CEP128: variants seen among roughly 807,000 people sequenced by gnomAD.
The protein encoded by CEP128 is centrosomal protein 128, also known as centrosomal protein 128kDa.
A neutral mutation model predicts 156.7 loss-of-function variants in CEP128; 132 were observed. The observed-to-expected ratio is 0.84, with a 90% CI of 0.73 to 0.97. The LOEUF is 0.97. Ranked by LOEUF, CEP128 falls within the 50% of genes least tolerant of loss-of-function variation. CEP128 has a pLI of 0.00. For synonymous variants in CEP128, 469 were observed against 448.9 expected, an observed-to-expected ratio of 1.04 and a Z score of -0.57; for missense variants, 1,252 against 1,281.9, an observed-to-expected ratio of 0.98 and a Z score of 0.36.
At chr14:80,764,237 G>A (rs1399548465) in intron 16 of CEP128, among the ~76,000 whole-genome samples, 5 of 152,120 alleles carry the variant, frequency 3.3e-5, no homozygotes, top group East Asian at 3.9e-4. Context: ...GGTGGCTCAC[G>A]CCTGTAATCC....
chr14:80,556,716 A>G (rs1325407885), intron 21 of CEP128, among the ~76,000 whole-genome samples: 1 of 152,224 alleles, frequency 6.6e-6, no homozygotes, highest in East Asian at 1.9e-4. Flanking sequence ...TTGCATATTG[A>G]TAGCACCATG....
At chr14:80,569,557 T>A (rs921436548) in intron 20 of CEP128, among the ~76,000 whole-genome samples, 4 of 152,230 alleles carry the variant, frequency 2.6e-5, no homozygotes, top group African/African-American at 7.2e-5. Context: ...GTCTGATTAC[T>A]CAAAATTATA....
At chr14:80,836,486 A>C in intron 11 of CEP128, 149 bp from the exon 12 acceptor site, 2 of 764,042 alleles carry the variant, frequency 2.6e-6, no homozygotes, top group South Asian at 1.8e-5. Context: ...CATTCCTCTC[A>C]TCTCTTCCAC....
chr14:80,912,011 G>A (rs891381940), intron 4 of CEP128, among the ~76,000 whole-genome samples: 4 of 152,194 alleles, frequency 2.6e-5, no homozygotes, highest in Admixed American at 2.0e-4. Context: ...AAGGTCAGGA[G>A]ATCGAGACCA....
At chr14:80,526,591 T>G in intron 23 of CEP128, 1 of 231,066 alleles carries the variant, frequency 4.3e-6, no homozygotes, top group Non-Finnish European at 8.4e-6. Flanking sequence ...TGACCAGGGG[T>G]TTCTTGGCTC....
chr14:80,771,108 A>T (rs976226021), intron 16 of CEP128, among the ~76,000 whole-genome samples: 3 of 152,214 alleles, frequency 2.0e-5, no homozygotes, highest in African/African-American at 7.2e-5. Context: ...TTCCTCTCAC[A>T]GATACGTTTT....
intron 19 of CEP128, among the ~76,000 whole-genome samples, chr14:80,643,312 G>A (rs1894498345): frequency 6.6e-6 from 1 of 152,202 alleles, no homozygotes; most frequent in South Asian, 2.1e-4. Flanking sequence ...TGTGGGAGAT[G>A]GTGGCCATGC....
intron 16 of CEP128, among the ~76,000 whole-genome samples, chr14:80,771,772 C>T (rs1900522134): frequency 6.6e-6 from 1 of 152,118 alleles, no homozygotes; most frequent in Admixed American, 6.5e-5. Context: ...GCTATTGAAA[C>T]AAGTAAGTAT....
At chr14:80,732,778 T>C (rs1175720231) in intron 19 of CEP128, among the ~76,000 whole-genome samples, 1 of 151,758 alleles carries the variant, frequency 6.6e-6, no homozygotes, top group Non-Finnish European at 1.5e-5. Context: ...CCTGGAAAAA[T>C]AATCTGTGTT....
At chr14:80,832,827 T>A (rs1326041999) in intron 12 of CEP128, among the ~76,000 whole-genome samples, 1 of 151,856 alleles carries the variant, frequency 6.6e-6, no homozygotes, top group Non-Finnish European at 1.5e-5. Context: ...GAGGAGGGAG[T>A]GTCAACAGAG....
intron 8 of CEP128, among the ~76,000 whole-genome samples, chr14:80,883,368 C>G (rs1888643999): frequency 6.6e-6 from 1 of 151,852 alleles, no homozygotes; most frequent in Non-Finnish European, 1.5e-5. Flanking sequence ...CATCAAAAAA[C>G]TGCTAGAACT....
In CEP128 at chr14:80,559,286, A is replaced by G; in HGVS notation, c.2873T>C (p.Leu958Ser). 6.2e-7 allele frequency: 1 copy of G among 1,605,334 alleles called. No homozygotes were observed. The highest frequency in any genetic ancestry group is 1.1e-5 in the South Asian group (1 of 89,374). Residue 958 changes from leucine to serine, a missense_variant, in exon 21 of 25, where the codon TTA becomes TCA. By Grantham distance (145) the Leu-to-Ser change is moderately radical. Transcript: ENST00000555265. Reference protein sequence around the residue: ...MGSLQDRVIALETSTQVALDH... With the variant: ...MGSLQDRVIASETSTQVALDH... ...GAAAATGCCCCAACTTACCGTTTCT[A>G]ATGCAATTACACGGTCCTGCAAAGA...
intron 8 of CEP128, among the ~76,000 whole-genome samples, chr14:80,878,066 TCTC>T (rs1448733111): frequency 6.6e-6 from 1 of 151,968 alleles, no homozygotes; most frequent in African/African-American, 2.4e-5. Context: ...ACCAGAGAAG[TCTC>T]CTTCAACACC....
At chr14:80,574,827 T>A (rs1313157470) in intron 20 of CEP128, among the ~76,000 whole-genome samples, 1 of 152,054 alleles carries the variant, frequency 6.6e-6, no homozygotes, top group Non-Finnish European at 1.5e-5. Flanking sequence ...ACTATTGAGG[T>A]GACAAAAACA....
chr14:80,740,831 A>G (rs901952910), intron 19 of CEP128, among the ~76,000 whole-genome samples: 6 of 152,170 alleles, frequency 3.9e-5, no homozygotes, highest in African/African-American at 1.2e-4. Flanking sequence ...CAAGGGACAG[A>G]TTCAGGAAGC....
chr14:80,641,445 G>GTA (rs1257024127), intron 19 of CEP128, among the ~76,000 whole-genome samples: 2 of 152,122 alleles, frequency 1.3e-5, no homozygotes, highest in African/African-American at 4.8e-5. Flanking sequence ...AGTTTCCCTG[G>GTA]TACCATATGC....
intron 18 of CEP128, 129 bp downstream of exon 18, chr14:80,756,763 A>C: frequency 1.5e-6 from 1 of 649,114 alleles, no homozygotes. Flanking sequence ...CTGCAGTGAT[A>C]TCTTCCCCTG....
chr14:80,838,071 C>A (rs1356601861), intron 11 of CEP128, 133 bp downstream of exon 11: 5 of 616,388 alleles, frequency 8.1e-6, no homozygotes, highest in Admixed American at 2.9e-5. Context: ...CTTAGGTGTG[C>A]TAATATACAT....
chr14:80,643,335 G>C (rs1894499513), intron 19 of CEP128, among the ~76,000 whole-genome samples: 1 of 152,144 alleles, frequency 6.6e-6, no homozygotes, highest in Non-Finnish European at 1.5e-5. Flanking sequence ...ATCAATAATG[G>C]AGGCCAGCGG....
Sources: allele counts gnomAD v4.1 joint callset (sites outside exome capture counted in the v4.1 genomes callset), GRCh38; gene constraint gnomAD v4.1.1; transcripts MANE v1.5; gene names NCBI Gene and HGNC (gene_info 2026-07-23, HGNC 2026-07-21).